Variants in E2F3 observed in about 807,000 individuals in gnomAD.
E2F3 encodes the protein E2F transcription factor 3.
In E2F3, 11 loss-of-function variants were observed where a neutral mutation model predicts 44.4. The observed-to-expected ratio is 0.25, with a 90% CI of 0.16 to 0.41. The LOEUF (loss-of-function observed/expected upper bound fraction) is 0.41, where lower values mean the gene tolerates loss of function less well. Ranked by LOEUF, E2F3 falls within the 10% of genes least tolerant of loss-of-function variation. The pLI is 1.00. For missense variants in E2F3, 487 were observed against 583.6 expected (o/e 0.83, Z 1.70); for synonymous variants, 249 against 253.0 (o/e 0.98, Z 0.15).
At chr6:20,408,092 T>C (rs1444820682) in intron 1 of E2F3, among the ~76,000 whole-genome samples, 1 of 152,248 alleles carries the variant, frequency 6.6e-6, no homozygotes, top group Non-Finnish European at 1.5e-5. Context: ...TCAGAGACTG[T>C]ATTCACGATT....
chr6:20,419,525 C>T (rs1189395635), intron 1 of E2F3, among the ~76,000 whole-genome samples: 2 of 149,448 alleles, frequency 1.3e-5, no homozygotes, highest in Non-Finnish European at 3.0e-5. Context: ...TAGATAGTAC[C>T]TCCTTTTATT....
rs1465992329 is a variant in E2F3, at chr6:20,492,788, T to C, written c.*2358T>C. The C allele has an allele frequency of 1.7e-5, 4 of 228,706 alleles. No homozygotes were observed. Among genetic ancestry groups the C allele is most frequent in the African/African-American group, 8.9e-5 (4 of 45,036 alleles). 14.2% of individuals were successfully genotyped at this position (228,706 alleles called of 1,614,324 possible). A position where few individuals can be genotyped will look rare whatever the true frequency, so the allele number is the denominator to read the frequency against. ...GTTTAACTGGTGTACATTAATTAGA[T>C]GTCCATACTGTATTTTGTTTGCATT... On this transcript the variant is annotated 3_prime_UTR_variant, in exon 7 of 7. Coordinates refer to ENST00000346618, the MANE Select transcript of E2F3 (RefSeq NM_001949.5).
In E2F3 at chr6:20,490,465, A is replaced by AT. The variant is rs749610635; in HGVS notation, c.*42dup. ...GTGTGAACTCTCCTTAAAAACCGAT[A>AT]TTTTTTTATCATGGAACCAGAACAT... On this transcript the variant is annotated 3_prime_UTR_variant, in exon 7 of 7. Coordinates refer to ENST00000346618, the MANE Select transcript of E2F3 (RefSeq NM_001949.5). This position sits in a 1 kb window ranked among gnomAD's most constrained non-coding sequence, Gnocchi z 4.3. 14 of 1,516,042 alleles carry AT rather than the reference A, an allele frequency of 9.2e-6. No individual in the cohort carries two copies. The highest frequency in any genetic ancestry group is 1.8e-4 in the Middle Eastern group (1 of 5,596). The allele number at this position is 1,516,042 out of a possible 1,614,324, so 93.9% of individuals were successfully genotyped here.
At chr6:20,474,404 A>T (rs1212027774) in intron 1 of E2F3, among the ~76,000 whole-genome samples, 3 of 152,220 alleles carry the variant, frequency 2.0e-5, no homozygotes, top group Non-Finnish European at 2.9e-5. Context: ...TGCCACATGG[A>T]GTTCCACACA....
chr6:20,427,201 TATC>T (rs1760244558), intron 1 of E2F3, among the ~76,000 whole-genome samples: 1 of 152,232 alleles, frequency 6.6e-6, no homozygotes. Context: ...TAGCATTTCT[TATC>T]ATATAATGGG....
chr6:20,470,020 T>A (rs1031434652), intron 1 of E2F3, among the ~76,000 whole-genome samples: 7 of 152,190 alleles, frequency 4.6e-5, no homozygotes, highest in Admixed American at 2.6e-4. Context: ...TCCTCATCAT[T>A]CTGTACTCAA....
intron 1 of E2F3, among the ~76,000 whole-genome samples, chr6:20,404,587 G>A (rs1176135524): frequency 1.3e-5 from 2 of 152,210 alleles, no homozygotes; most frequent in Non-Finnish European, 2.9e-5. Context: ...TGGGAAATGG[G>A]ATGGGTTTGG....
At chr6:20,484,000 G>C (rs947829963) in intron 4 of E2F3, among the ~76,000 whole-genome samples, 2 of 152,210 alleles carry the variant, frequency 1.3e-5, no homozygotes. Context: ...GAAGAGAGGC[G>C]TAGTGATTTG....
intron 1 of E2F3, among the ~76,000 whole-genome samples, chr6:20,432,116 G>A (rs996682456): frequency 6.6e-6 from 1 of 152,212 alleles, no homozygotes; most frequent in African/African-American, 2.4e-5. Flanking sequence ...TTCAACATAG[G>A]AATTTAACGG....
chr6:20,404,298 GCT>G (rs1759419076), intron 1 of E2F3, among the ~76,000 whole-genome samples: 2 of 152,178 alleles, frequency 1.3e-5, no homozygotes, highest in Non-Finnish European at 2.9e-5. Flanking sequence ...TCAGTATGCG[GCT>G]TCTCTTTTTG....
At chr6:20,431,092 C>G (rs942741607) in intron 1 of E2F3, among the ~76,000 whole-genome samples, 2 of 152,204 alleles carry the variant, frequency 1.3e-5, no homozygotes, top group African/African-American at 4.8e-5. Context: ...AAAATTCTCA[C>G]TTAAAACACA....
chr6:20,432,614 C>G (rs1050482090), intron 1 of E2F3, among the ~76,000 whole-genome samples: 3 of 152,164 alleles, frequency 2.0e-5, no homozygotes, highest in African/African-American at 7.2e-5. Flanking sequence ...ATTTATGGAA[C>G]AGCTTCTGCC....
rs75791613 is a variant in E2F3 at position 20,481,055 on chromosome 6, C to T, written c.506-151C>T. 2.8e-3 allele frequency: 1,970 copies of T among 701,642 alleles called. 23 individuals carry two copies. In the African/African-American group the frequency reaches 0.031, roughly 11 times the overall value. 43.5% of individuals were successfully genotyped at this position (701,642 alleles called of 1,614,324 possible). ...AAAAAACTTTCATAGCTTTCTATGA[C>T]TTGCCAACACCAACAGCAACGACAG... On this transcript the variant is annotated intron_variant, in intron 2 of 6. Coordinates refer to ENST00000346618, the MANE Select transcript of E2F3 (RefSeq NM_001949.5).
intron 1 of E2F3, among the ~76,000 whole-genome samples, chr6:20,464,301 C>G (rs1387669131): frequency 3.3e-5 from 5 of 152,222 alleles, no homozygotes; most frequent in African/African-American, 1.2e-4. Flanking sequence ...AATCAGAGAG[C>G]TGTTTATCAG....
chr6:20,435,003 G>T (rs1760528254), intron 1 of E2F3, among the ~76,000 whole-genome samples: 1 of 152,236 alleles, frequency 6.6e-6, no homozygotes, highest in South Asian at 2.1e-4. Flanking sequence ...GTCAGCCGTG[G>T]ATGCTCTGCA....
chr6:20,473,610 T>G (rs1761958598), intron 1 of E2F3, among the ~76,000 whole-genome samples: 1 of 152,208 alleles, frequency 6.6e-6, no homozygotes. Flanking sequence ...CTCACACAAA[T>G]GAAAGTCTGT....
At chr6:20,471,792 G>T (rs1052637109) in intron 1 of E2F3, among the ~76,000 whole-genome samples, 2 of 152,052 alleles carry the variant, frequency 1.3e-5, no homozygotes, top group African/African-American at 4.8e-5. Flanking sequence ...ATGTAAACAT[G>T]AAGTCATTAC....
chr6:20,455,976 A>G (rs1761297082), intron 1 of E2F3, among the ~76,000 whole-genome samples: 1 of 152,128 alleles, frequency 6.6e-6, no homozygotes, highest in Non-Finnish European at 1.5e-5. Context: ...TCACAGATCA[A>G]GAGGCTTTTG....
chr6:20,436,210 ACCTCAGGTGATCCACCTG>A (rs1220090687), intron 1 of E2F3, among the ~76,000 whole-genome samples: 7 of 152,068 alleles, frequency 4.6e-5, no homozygotes, highest in Non-Finnish European at 8.8e-5. Context: ...CAAACTCCTG[ACCTCAGGTGATCCACCTG>A]CCTCGGCCTC....
Sources: allele counts gnomAD v4.1 joint callset (sites outside exome capture counted in the v4.1 genomes callset), GRCh38; gene constraint gnomAD v4.1.1; non-coding constraint Gnocchi (gnomAD v3.1); transcripts MANE v1.5; gene names NCBI Gene and HGNC (gene_info 2026-07-23, HGNC 2026-07-21).